The following SCAF11 variants were observed in gnomAD, a reference collection of about 807,000 sequenced individuals.
SCAF11 encodes SR-related CTD associated factor 11, also known as protein SCAF11.
In SCAF11, 47 loss-of-function variants were observed where a neutral mutation model predicts 140.5. The observed-to-expected ratio is 0.33, with a 90% CI of 0.26 to 0.43. The LOEUF (loss-of-function observed/expected upper bound fraction) is 0.43, where lower values mean the gene tolerates loss of function less well. Among genes scored for constraint, SCAF11 ranks in the 20% least tolerant of loss-of-function variants. The pLI is 1.00. For missense variants in SCAF11, 1,645 were observed against 1,705.1 expected (o/e 0.96, Z 0.62); for synonymous variants, 557 against 579.4 (o/e 0.96, Z 0.55).
intron 5 of SCAF11, among the ~76,000 whole-genome samples, chr12:45,947,007 A>T (rs1273341768): frequency 6.6e-6 from 1 of 152,190 alleles, no homozygotes; most frequent in Non-Finnish European, 1.5e-5. Flanking sequence ...AAAAGTTAAC[A>T]TCTAAGGAGC....
At chr12:45,991,649 TC>T (rs1400262784), upstream of SCAF11, among the ~76,000 whole-genome samples, 5 of 152,162 alleles carry the variant, frequency 3.3e-5, no homozygotes, top group Admixed American at 2.6e-4. Flanking sequence ...CTCCACTTTT[TC>T]CCCCGGCGGG....
In SCAF11 at chr12:45,925,086, A is replaced by C. The variant is rs754513595; in HGVS notation, c.3560-12T>G. 1 of 1,579,104 alleles carries C rather than the reference A, an allele frequency of 6.3e-7. No individual in the cohort carries two copies. The highest frequency in any genetic ancestry group is 1.1e-5 in the South Asian group (1 of 87,810). ...TTTTAGGCTAGAATCTATCAAAAGA[A>C]AAAAAGCTTGTGAAAAAAATCATGT... is the stretch of plus-strand genomic sequence containing the variant. On this transcript the variant is annotated splice_polypyrimidine_tract_variant and intron_variant, in intron 11 of 14. Transcript: ENST00000369367.
rs560900737 is a variant in SCAF11 at position 45,976,900 on chromosome 12, C to T, written c.-21-12712G>A. ...AGATAAAAATCAATGAGACCAAAAG[C>T]TCATTCTTTGAAAAGATCAATAAAA... is the stretch of plus-strand genomic sequence containing the variant. On this transcript the variant is annotated intron_variant, in intron 1 of 14. Transcript: ENST00000369367. Among the ~76,000 whole-genome samples, 8 of 152,160 alleles carry T rather than the reference C, an allele frequency of 5.3e-5. No individual in the cohort carries two copies. The East Asian group carries it at 1.5e-3, about 29-fold the overall frequency.
intron 6 of SCAF11, among the ~76,000 whole-genome samples, chr12:45,944,286 A>G (rs879365143): frequency 1.4e-4 from 22 of 152,314 alleles, no homozygotes; most frequent in Non-Finnish European, 2.9e-4. Flanking sequence ...TGCCTTTTTA[A>G]CCACAGAAGT....
At chr12:45,973,742 T>A (rs1389041402) in intron 1 of SCAF11, among the ~76,000 whole-genome samples, 2 of 152,076 alleles carry the variant, frequency 1.3e-5, no homozygotes, top group Non-Finnish European at 2.9e-5. Flanking sequence ...AAATCCTCTA[T>A]CTAGTGAAAA....
rs142505982 is a variant in SCAF11, at chr12:45,987,448, G to C, written c.-22+2905C>G. The stretch of plus-strand genomic sequence containing the variant: ...CTGAAGGCATTGTTCAGGTGTTTAG[G>C]TGACAAATACTGACAAATGCTGATC... On this transcript the variant is annotated intron_variant, in intron 1 of 14. Coordinates refer to ENST00000369367, the MANE Select transcript of SCAF11 (RefSeq NM_004719.3). Among the ~76,000 whole-genome samples the C allele has an allele frequency of 3.1e-3, 477 of 152,284 alleles. 3 individuals carry two copies. The highest frequency in any genetic ancestry group is 0.017 in the Middle Eastern group (5 of 294).
chr12:45,946,317 C>A (rs1420144515), intron 5 of SCAF11, among the ~76,000 whole-genome samples: 2 of 152,070 alleles, frequency 1.3e-5, no homozygotes, highest in Non-Finnish European at 2.9e-5. Flanking sequence ...TGTTGGAAGA[C>A]CAAGTATCCA....
At chr12:45,950,077 G>T (rs1382065930) in intron 4 of SCAF11, among the ~76,000 whole-genome samples, 1 of 152,122 alleles carries the variant, frequency 6.6e-6, no homozygotes, top group African/African-American at 2.4e-5. Flanking sequence ...ACAAGAGAAG[G>T]ATGTTTTAGA....
intron 1 of SCAF11, among the ~76,000 whole-genome samples, 164 bp from the exon 2 acceptor site, chr12:45,964,352 C>G (rs1945892683): frequency 6.6e-6 from 1 of 152,162 alleles, no homozygotes; most frequent in African/African-American, 2.4e-5. Context: ...TCCTTGCTAT[C>G]AAAATGCACA....
chr12:45,989,232 ATT>A (rs1025404279), intron 1 of SCAF11, among the ~76,000 whole-genome samples: 3 of 152,336 alleles, frequency 2.0e-5, no homozygotes, highest in African/African-American at 7.2e-5. Flanking sequence ...GTAGAAATTA[ATT>A]TTTCTTTTAA....
At chr12:45,949,063 G>A (rs1485601775) in intron 4 of SCAF11, among the ~76,000 whole-genome samples, 7 of 152,212 alleles carry the variant, frequency 4.6e-5, no homozygotes, top group Middle Eastern at 3.4e-3. Flanking sequence ...GAGAGTAAGC[G>A]GACTTTTTAA....
chr12:45,988,640 A>G (rs1946517680), intron 1 of SCAF11, among the ~76,000 whole-genome samples: 1 of 152,242 alleles, frequency 6.6e-6, no homozygotes. Context: ...TTCTGGCAAC[A>G]TATTTAGAAA....
chr12:45,926,553 T>C lies in SCAF11; in HGVS notation c.3148A>G (p.Asn1050Asp), dbSNP rs1944864456. 6.2e-7 allele frequency: 1 copy of C among 1,613,074 alleles called. No homozygotes were observed. Among genetic ancestry groups the C allele is most frequent in the African/African-American group, 1.3e-5 (1 of 74,728 alleles). ...EKLKESHWEENRNENSGNSWN... is the reference protein window; with the variant it reads ...EKLKESHWEEDRNENSGNSWN... The stretch of plus-strand genomic sequence containing the variant: ...GAATTTCCTGAATTTTCATTTCTAT[T>C]TTCTTCCCAATGAGACTCTTTCAAC... The change falls in exon 11 of 15, where the codon AAT (asparagine) becomes GAT (aspartate). Residue 1050 changes from asparagine (N) to aspartate (D), a missense_variant. Physicochemically the swap from Asn to Asp is conservative, Grantham distance 23. Transcript: ENST00000369367.
Position 45,926,923 on chromosome 12 carries a change from T to G in SCAF11, c.2778A>C (p.Glu926Asp). The G allele has an allele frequency of 6.2e-7, 1 of 1,612,730 alleles. No homozygotes were observed. The highest frequency in any genetic ancestry group is 2.2e-5 in the East Asian group (1 of 44,860). The change falls in exon 11 of 15, where the codon GAA becomes GAC. Residue 926 changes from glutamate (E) to aspartate (D), a missense_variant. Glu to Asp is a conservative substitution (Grantham distance 45, BLOSUM62 2). This residue lies in a region of SCAF11 where 1,582 missense variants were observed against 1,609.2 expected (regional missense o/e 0.98). Coordinates refer to ENST00000369367, the MANE Select transcript of SCAF11 (RefSeq NM_004719.3). ...ACCTAGACCACTTTCTGGTTCTCCT[T>G]TCTCTCTCTCTCCTCTGCCCATCTC... The part of the protein sequence containing the change: ...SDRDGQRRER[E>D]RRTRKWSRSR...
intron 4 of SCAF11, 101 bp downstream of exon 4, chr12:45,951,549 C>A: frequency 1.4e-6 from 1 of 716,088 alleles, no homozygotes; most frequent in South Asian, 2.3e-5. Flanking sequence ...CATATTAAAC[C>A]TTAAGTTGAA....
At chr12:45,987,661 T>A (rs972789283) in intron 1 of SCAF11, among the ~76,000 whole-genome samples, 4 of 152,028 alleles carry the variant, frequency 2.6e-5, no homozygotes, top group Non-Finnish European at 5.9e-5. Flanking sequence ...GAAAGGAGAT[T>A]GGAGAAAGGG....
At position 45,955,815 on chromosome 12, in the gene SCAF11, T is replaced by C. The variant is rs541689712; in HGVS notation, c.220-4088A>G. On this transcript the variant is annotated intron_variant, in intron 3 of 14. Coordinates refer to ENST00000369367, the MANE Select transcript of SCAF11 (RefSeq NM_004719.3). Reference sequence around the variant, plus strand: ...TTTCAATAATTTTTAAAGTATCTAATTCAGTTTCATAACCAAGTAGTCTAA... The same window carrying C: ...TTTCAATAATTTTTAAAGTATCTAACTCAGTTTCATAACCAAGTAGTCTAA... 140 of 224,816 alleles carry C rather than the reference T, an allele frequency of 6.2e-4. No homozygotes were observed. The South Asian group carries it at 7.1e-3, about 11-fold the overall frequency. The allele number at this position is 224,816 out of a possible 1,614,324, so 13.9% of individuals were successfully genotyped here. A position where few individuals can be genotyped will look rare whatever the true frequency, so the allele number is the denominator to read the frequency against.
chr12:45,942,226 G>A (rs1387823223), intron 6 of SCAF11, among the ~76,000 whole-genome samples: 2 of 152,106 alleles, frequency 1.3e-5, no homozygotes, highest in African/African-American at 2.4e-5. Flanking sequence ...ACTGTGCAGG[G>A]GTACCCCTAA....
chr12:45,990,686 A>G, upstream of SCAF11: 2 of 874,960 alleles, frequency 2.3e-6, no homozygotes, highest in African/African-American at 1.7e-5. Flanking sequence ...CGGCAGCCGG[A>G]CTCGCCACAT....
Sources: gnomAD v4.1 joint callset for allele counts (sites outside exome capture counted in the v4.1 genomes callset) on GRCh38, gnomAD v4.1.1 for gene constraint, gnomAD v4.1.1 regional missense constraint, MANE v1.5 for transcripts, NCBI Gene and HGNC (gene_info 2026-07-23, HGNC 2026-07-21) for gene names.